The following CAMTA1 variants were observed in gnomAD, a reference collection of about 807,000 sequenced individuals.
The protein encoded by CAMTA1 is calmodulin binding transcription activator 1.
A neutral mutation model predicts 170.9 loss-of-function variants in CAMTA1; 27 were observed. The ratio of observed to expected loss-of-function variants is 0.16; its 90% CI spans 0.12 to 0.22. The LOEUF is 0.22. Ranked by LOEUF, CAMTA1 falls within the 10% of genes least tolerant of loss-of-function variation. The pLI, the probability that CAMTA1 is intolerant of heterozygous loss-of-function variation, is 1.00. For synonymous variants in CAMTA1, 833 were observed against 891.5 expected (o/e 0.93, Z 1.17); for missense variants, 1,619 against 2,217.2 (o/e 0.73, Z 5.42).
At chr1:7,438,972 C>T (rs1426334979) in intron 5 of CAMTA1, among the ~76,000 whole-genome samples, 1 of 152,194 alleles carries the variant, frequency 6.6e-6, no homozygotes, top group Admixed American at 6.5e-5. Context: ...AGAGGTGTCA[C>T]GGAGCCGCCT....
At chr1:7,586,196 G>A (rs1046484504) in intron 6 of CAMTA1, among the ~76,000 whole-genome samples, 5 of 152,084 alleles carry the variant, frequency 3.3e-5, no homozygotes, top group African/African-American at 7.3e-5. Context: ...CAGTGTGGGC[G>A]GCCCCTCCCT....
chr1:7,762,326 AAT>A (rs1250742744), intron 22 of CAMTA1, among the ~76,000 whole-genome samples: 4 of 152,254 alleles, frequency 2.6e-5, no homozygotes, highest in Non-Finnish European at 5.9e-5. Flanking sequence ...CATCTGCCTG[AAT>A]AATCATTCAT....
At chr1:6,824,976 T>C in intron 2 of CAMTA1, 116 bp from the exon 3 acceptor site, 1 of 571,168 alleles carries the variant, frequency 1.8e-6, no homozygotes, top group Non-Finnish European at 3.1e-6. Flanking sequence ...GTGGGGCCTC[T>C]GATGCTCTTG....
intron 4 of CAMTA1, among the ~76,000 whole-genome samples, chr1:7,145,937 C>G (rs59144495): frequency 0.012 from 1,848 of 152,246 alleles, 35 homozygotes; most frequent in African/African-American, 0.042. Context: ...TGACCTGGGT[C>G]AGTTTCTTTA....
Position 7,633,614 on chromosome 1 carries a change from A to G in CAMTA1, c.511-6786A>G, listed in dbSNP as rs756164168. 1.6e-4 allele frequency among the ~76,000 whole-genome samples: 24 copies of G among 152,208 alleles called. 1 individual carries two copies. Among genetic ancestry groups the G allele is most frequent in the Non-Finnish European group, 3.1e-4 (21 of 68,032 alleles). On this transcript the variant is annotated intron_variant, in intron 6 of 22. Coordinates refer to ENST00000303635, the MANE Select transcript of CAMTA1 (RefSeq NM_015215.4). The surrounding 1 kb of genome is among the most constrained non-coding windows in gnomAD (Gnocchi z 4.1). ...CACCCCTGCACCAGCTCCCCCAGCCAAGGCCAGGTGCCCCCTAGCAGGCTT... is the reference window on the plus strand; with the variant it reads ...CACCCCTGCACCAGCTCCCCCAGCCGAGGCCAGGTGCCCCCTAGCAGGCTT...
rs1331272203 is a variant in CAMTA1, at chr1:7,751,189, TC to T, written c.4690-6del. ...TGTTACTGTGTCGCTTGTTCTTGTT[TC>T]CCCTGCAGTACGCACTTTATAAAAA... On this transcript the variant is annotated splice_polypyrimidine_tract_variant and intron_variant, in intron 19 of 22. Transcript: ENST00000303635. The T allele has an allele frequency of 6.4e-7, 1 of 1,559,502 alleles. No individual in the cohort carries two copies. The highest frequency in any genetic ancestry group is 2.3e-5 in the East Asian group (1 of 44,398).
intron 3 of CAMTA1, among the ~76,000 whole-genome samples, chr1:7,005,878 A>G (rs1698932371): frequency 1.3e-5 from 2 of 152,336 alleles, no homozygotes; most frequent in Admixed American, 6.5e-5. Context: ...GCAGAATCCA[A>G]GTGGCTCAAC....
At chr1:6,808,356 G>A (rs984971714) in intron 1 of CAMTA1, among the ~76,000 whole-genome samples, 1 of 151,996 alleles carries the variant, frequency 6.6e-6, no homozygotes, top group African/African-American at 2.4e-5. Context: ...TTTAGACTCT[G>A]ATTGTTCCAA....
intron 4 of CAMTA1, among the ~76,000 whole-genome samples, chr1:7,117,607 C>T (rs191498165): frequency 2.6e-4 from 40 of 152,250 alleles, no homozygotes; most frequent in African/African-American, 8.9e-4. Context: ...ATAACTGGCT[C>T]CCCCCTAGTG....
intron 5 of CAMTA1, among the ~76,000 whole-genome samples, chr1:7,311,543 C>CT (rs1207203918): frequency 2.0e-5 from 3 of 151,970 alleles, no homozygotes; most frequent in Admixed American, 6.5e-5. Context: ...ATAATAGCTG[C>CT]TTTTAAGTCT....
In CAMTA1 at chr1:7,146,281, C is replaced by T. The variant is rs977525164; in HGVS notation, c.302+54910C>T. 6.6e-6 allele frequency among the ~76,000 whole-genome samples: 1 copy of T among 152,118 alleles called. No homozygotes were observed. The highest frequency in any genetic ancestry group is 1.5e-5 in the Non-Finnish European group (1 of 68,022). ...GGTGCCTGCTCATGAGCCAGTCTCC[C>T]TCTTGGCTTATGTAGATCAACCAGA... On this transcript the variant is annotated intron_variant, in intron 4 of 22. Transcript: ENST00000303635. The surrounding 1 kb of genome is among the most constrained non-coding windows in gnomAD (Gnocchi z 4.3).
intron 3 of CAMTA1, among the ~76,000 whole-genome samples, chr1:6,904,765 T>TTTA (rs1677984390): frequency 9.4e-6 from 1 of 105,956 alleles, no homozygotes; most frequent in Non-Finnish European, 2.0e-5. Flanking sequence ...TTTTTTTTTT[T>TTTA]AATTTTTGGC....
At chr1:7,714,814 G>A (rs946035047) in intron 11 of CAMTA1, among the ~76,000 whole-genome samples, 7 of 151,996 alleles carry the variant, frequency 4.6e-5, no homozygotes, top group Non-Finnish European at 8.8e-5. Context: ...GAGCCACCAC[G>A]TTTGGCCCAC....
intron 3 of CAMTA1, among the ~76,000 whole-genome samples, chr1:6,985,385 CA>C (rs1191750633): frequency 2.0e-5 from 3 of 152,216 alleles, no homozygotes; most frequent in African/African-American, 7.2e-5. Flanking sequence ...AATGTGCTGC[CA>C]TTTTCAGAAT....
chr1:7,409,807 ATT>A (rs1468261098), intron 5 of CAMTA1, among the ~76,000 whole-genome samples: 1 of 152,038 alleles, frequency 6.6e-6, no homozygotes, highest in Non-Finnish European at 1.5e-5. Flanking sequence ...TCCTCACCTC[ATT>A]TTTCTCTCCT....
intron 5 of CAMTA1, among the ~76,000 whole-genome samples, chr1:7,370,984 T>C (rs2086412681): frequency 6.9e-6 from 1 of 145,144 alleles, no homozygotes; most frequent in East Asian, 2.2e-4. Flanking sequence ...CGATCTCGGC[T>C]CACTGCAAGC....
At chr1:7,103,021 T>C (rs966648185) in intron 4 of CAMTA1, among the ~76,000 whole-genome samples, 2 of 150,608 alleles carry the variant, frequency 1.3e-5, no homozygotes, top group Non-Finnish European at 3.0e-5. Flanking sequence ...ATTGCAACTT[T>C]GGGGAGTGCT....
intron 11 of CAMTA1, among the ~76,000 whole-genome samples, chr1:7,688,442 A>G (rs1349192950): frequency 1.3e-5 from 2 of 151,982 alleles, no homozygotes; most frequent in African/African-American, 2.4e-5. Context: ...CAGGCCAGCA[A>G]TGGGCTGACA....
intron 3 of CAMTA1, among the ~76,000 whole-genome samples, chr1:6,884,929 CAGAA>C (rs1406819123): frequency 1.3e-5 from 2 of 152,190 alleles, no homozygotes; most frequent in Non-Finnish European, 2.9e-5. Flanking sequence ...ATTCACATGA[CAGAA>C]AGCTCAGTTA....
Sources: gnomAD v4.1 joint callset for allele counts (sites outside exome capture counted in the v4.1 genomes callset) on GRCh38, gnomAD v4.1.1 for gene constraint, Gnocchi (gnomAD v3.1) non-coding constraint, MANE v1.5 for transcripts, NCBI Gene and HGNC (gene_info 2026-07-23, HGNC 2026-07-21) for gene names.